DNAH5: variants seen among roughly 807,000 people sequenced by gnomAD.
DNAH5 encodes axonemal beta dynein heavy chain 5.
DNAH5 carries 372 observed loss-of-function variants against 518.2 expected under a neutral mutation model. The observed-to-expected ratio is 0.72, with a 90% CI of 0.66 to 0.78. The LOEUF (loss-of-function observed/expected upper bound fraction) is 0.78. Among genes scored for constraint, DNAH5 ranks in the 30% least tolerant of loss-of-function variants. The pLI is 0.00. For synonymous variants in DNAH5, 2,039 were observed against 2,025.9 expected (o/e 1.01, Z -0.17); for missense variants, 5,523 against 5,687.0 (o/e 0.97, Z 0.93).
rs911502469 is a variant in DNAH5 at position 13,792,095 on chromosome 5, G to C, written c.8347C>G (p.Pro2783Ala). ...LWQMTKIKMLPTPAKFHYVFN... is the reference protein window; with the variant it reads ...LWQMTKIKMLATPAKFHYVFN... The stretch of plus-strand genomic sequence containing the variant: ...ACATAATGGAATTTTGCAGGGGTAG[G>C]AAGCATTTTAATCTTGGTCATCTGC... Residue 2783 changes from proline to alanine, a missense_variant, in exon 50 of 79, where the codon CCT (proline) becomes GCT (alanine). By Grantham distance (27) the Pro-to-Ala change is conservative. This residue lies in a region of DNAH5 where 5,121 missense variants were observed against 5,223.3 expected (regional missense o/e 0.98). Transcript: ENST00000265104. 3 of 1,613,898 alleles carry C rather than the reference G, an allele frequency of 1.9e-6. No individual in the cohort carries two copies. The highest frequency in any genetic ancestry group is 2.5e-6 in the Non-Finnish European group (3 of 1,179,980).
chr5:13,923,447 A>G lies in DNAH5; in HGVS notation c.278-7T>C. 1 of 1,614,010 alleles carries G rather than the reference A, an allele frequency of 6.2e-7. No individual in the cohort carries two copies. The highest frequency in any genetic ancestry group is 8.5e-7 in the Non-Finnish European group (1 of 1,179,966). ...CCTAGAGAGCCAAGTTGTCCTACAA[A>G]AGCAAAATAATTTTAGTTTCACAAA... On this transcript the variant is annotated splice_region_variant and splice_polypyrimidine_tract_variant and intron_variant, in intron 3 of 78. Transcript: ENST00000265104.
In DNAH5 at chr5:13,954,377, G is replaced by A. The variant is rs112054785; in HGVS notation, c.13-23133C>T. ...GGGTGCTATACCAAGCTCATGAGTC[G>A]ACACGTGGAAAATATACCCTTTTAT... On this transcript the variant is annotated intron_variant, in intron 1 of 78. Coordinates refer to the DNAH5 transcript ENST00000681290. 1.1e-4 allele frequency among the ~76,000 whole-genome samples: 16 copies of A among 152,242 alleles called. 1 individual carries two copies. Among genetic ancestry groups the A allele is most frequent in the African/African-American group, 2.2e-4 (9 of 41,526 alleles).
At chr5:13,885,356 T>C in intron 18 of DNAH5, 128 bp from the exon 19 acceptor site, 1 of 1,194,132 alleles carries the variant, frequency 8.4e-7, no homozygotes, top group East Asian at 2.5e-5. Flanking sequence ...GCAAGTTTAG[T>C]ATCACTTAAA....
intron 1 of DNAH5, among the ~76,000 whole-genome samples, chr5:13,956,250 TTTTAGAAATAAAC>T (rs761829119): frequency 1.3e-5 from 2 of 152,208 alleles, no homozygotes; most frequent in African/African-American, 2.4e-5. Context: ...AATAATTACA[TTTTAGAAATAAAC>T]TTTATGCTGG....
At chr5:13,830,559 C>T in intron 36 of DNAH5, 38 bp downstream of exon 36, 1 of 1,606,572 alleles carries the variant, frequency 6.2e-7, no homozygotes, top group Non-Finnish European at 8.5e-7. Flanking sequence ...TCCACCTTGG[C>T]TGCAATTTCT....
At chr5:14,002,914 C>G (rs1467185854) in intron 1 of DNAH5, among the ~76,000 whole-genome samples, 1 of 151,882 alleles carries the variant, frequency 6.6e-6, no homozygotes, top group East Asian at 1.9e-4. Flanking sequence ...CTTATAAGAA[C>G]AAAATCATTT....
rs1554073136 is a variant in DNAH5 at position 13,841,936 on chromosome 5, A to AAG, written c.5272-34_5272-33dup. The AAG allele has an allele frequency of 7.4e-4, 789 of 1,072,570 alleles. 2 individuals are homozygous for AAG. Among genetic ancestry groups the AAG allele is most frequent in the African/African-American group, 2.1e-3 (131 of 61,172 alleles). 66.4% of individuals were successfully genotyped at this position (1,072,570 alleles called of 1,614,324 possible). A position where few individuals can be genotyped will look rare whatever the true frequency, so the allele number is the denominator to read the frequency against. Reference sequence around the variant, plus strand: ...TAGAAACCAAAAAAAAAAAAAAAAAAAGCTATAGTCATATAAAAAGTAAAA... The same window carrying AAG: ...TAGAAACCAAAAAAAAAAAAAAAAAAAGAGCTATAGTCATATAAAAAGTAAAA... On this transcript the variant is annotated intron_variant, in intron 32 of 78. Transcript: ENST00000265104.
At chr5:13,823,136 G>A in intron 40 of DNAH5, 127 bp downstream of exon 40, 2 of 779,428 alleles carry the variant, frequency 2.6e-6, no homozygotes, top group Non-Finnish European at 4.7e-6. Flanking sequence ...AGACAGCAGT[G>A]TTAGCCTCAC....
At chr5:13,780,695 T>A (rs924413881) in intron 53 of DNAH5, 134 bp downstream of exon 53, 8 of 1,002,462 alleles carry the variant, frequency 8.0e-6, no homozygotes, top group Non-Finnish European at 1.2e-5. Context: ...CAGGGGAAGA[T>A]GATAAGTCAA....
intron 25 of DNAH5, among the ~76,000 whole-genome samples, 192 bp from the exon 26 acceptor site, chr5:13,866,474 A>G (rs1372545519): frequency 6.6e-6 from 1 of 152,218 alleles, no homozygotes; most frequent in Non-Finnish European, 1.5e-5. Flanking sequence ...AGCCAAATTA[A>G]TGCCAGAACT....
rs1780849895 is a variant in DNAH5, at chr5:13,957,620, T to G, written c.13-26376A>C. Among the ~76,000 whole-genome samples the G allele has an allele frequency of 2.0e-5, 3 of 151,976 alleles. No homozygotes were observed. The South Asian group carries it at 6.2e-4, about 31-fold the overall frequency. On this transcript the variant is annotated intron_variant, in intron 1 of 78. Transcript: ENST00000681290. Reference sequence around the variant, plus strand: ...TCTTACTGTGTGGAAGATGGTACATTGAAGAGGCAAAAACTTTTATCTCAA... The same window carrying G: ...TCTTACTGTGTGGAAGATGGTACATGGAAGAGGCAAAAACTTTTATCTCAA...
intron 27 of DNAH5, among the ~76,000 whole-genome samples, chr5:13,865,294 G>T (rs566872913): frequency 1.3e-5 from 2 of 152,192 alleles, no homozygotes; most frequent in Admixed American, 1.3e-4. Context: ...CACCCAGCCA[G>T]CTCTCCATTT....
chr5:13,958,542 G>A (rs973412858), intron 1 of DNAH5, among the ~76,000 whole-genome samples: 1 of 152,164 alleles, frequency 6.6e-6, no homozygotes, highest in Non-Finnish European at 1.5e-5. Flanking sequence ...AAAAGGAATA[G>A]GTGCCTCAAT....
At chr5:13,916,140 T>A (rs941752728) in intron 9 of DNAH5, among the ~76,000 whole-genome samples, 3 of 151,774 alleles carry the variant, frequency 2.0e-5, no homozygotes, top group Non-Finnish European at 4.4e-5. Flanking sequence ...TTTATTATAA[T>A]AATTACTTTG....
At chr5:13,983,542 C>T (rs1316516101) in intron 1 of DNAH5, among the ~76,000 whole-genome samples, 1 of 152,172 alleles carries the variant, frequency 6.6e-6, no homozygotes, top group Non-Finnish European at 1.5e-5. Context: ...CATCACAGAG[C>T]CCCTGGGAGA....
At chr5:13,842,499 AAAG>A (rs1765426526) in intron 32 of DNAH5, among the ~76,000 whole-genome samples, 1 of 126,858 alleles carries the variant, frequency 7.9e-6, no homozygotes, top group Non-Finnish European at 1.7e-5. Flanking sequence ...GAAAAGAAAG[AAAG>A]AAAGAAAAAG....
rs144868022 is a variant in DNAH5, at chr5:13,752,460, C to T, written c.10873-171G>A. ...TTGTTGAGAGCCCACATGATGCCCA[C>T]AGTGGAAAATTCCACACCTGACCCC... On this transcript the variant is annotated intron_variant, in intron 63 of 78. Transcript: ENST00000265104. Among the ~76,000 whole-genome samples the T allele has an allele frequency of 1.3e-3, 200 of 152,322 alleles. 1 individual carries two copies. Among genetic ancestry groups the T allele is most frequent in the Non-Finnish European group, 2.6e-3 (177 of 68,022 alleles).
At position 13,807,505 on chromosome 5, in the gene DNAH5, T is replaced by C. The variant is rs1453998948; in HGVS notation, c.7887+86A>G. 2.3e-6 allele frequency: 3 copies of C among 1,316,612 alleles called. No homozygotes were observed. The Admixed American group carries it at 5.7e-5, about 25-fold the overall frequency. 81.6% of individuals were successfully genotyped at this position (1,316,612 alleles called of 1,614,324 possible). On this transcript the variant is annotated intron_variant, in intron 47 of 78. Transcript: ENST00000265104. ...CATGGCTATGAAAATTCAGATGAGATTCAATTGAAGCAGAATAGTAGAGAT... is the reference window on the plus strand; with the variant it reads ...CATGGCTATGAAAATTCAGATGAGACTCAATTGAAGCAGAATAGTAGAGAT...
chr5:13,981,360 C>A (rs1461450478), intron 1 of DNAH5, among the ~76,000 whole-genome samples: 2 of 152,224 alleles, frequency 1.3e-5, no homozygotes, highest in Non-Finnish European at 2.9e-5. Flanking sequence ...CCCCAGCACC[C>A]AGCACCGTGC....
Sources: allele counts gnomAD v4.1 joint callset (sites outside exome capture counted in the v4.1 genomes callset), GRCh38; gene constraint gnomAD v4.1.1; regional missense constraint gnomAD v4.1.1; transcripts MANE v1.5; gene names NCBI Gene and HGNC (gene_info 2026-07-23, HGNC 2026-07-21).